Variants in SNTG1 observed in about 807,000 individuals in gnomAD.
SNTG1 encodes syntrophin gamma 1.
Under a neutral mutation model 74.7 loss-of-function variants are expected in SNTG1, and 39 were observed. That is an observed-to-expected ratio of 0.52 (90% confidence interval 0.40 to 0.68). The LOEUF is 0.68. SNTG1 is among the 30% of genes least tolerant of loss of function. SNTG1 has a pLI of 0.00. For missense variants in SNTG1, 685 were observed against 609.5 expected, an observed-to-expected ratio of 1.12 and a Z score of -1.30; for synonymous variants, 254 against 217.1, an observed-to-expected ratio of 1.17 and a Z score of -1.49.
intron 2 of SNTG1, among the ~76,000 whole-genome samples, chr8:50,388,750 C>A (rs2092612259): frequency 6.6e-6 from 1 of 152,192 alleles, no homozygotes; most frequent in African/African-American, 2.4e-5. Flanking sequence ...TGATGAGACC[C>A]ACCCACATTA....
At chr8:50,417,150 C>G (rs2093024585) in intron 4 of SNTG1, among the ~76,000 whole-genome samples, 1 of 152,080 alleles carries the variant, frequency 6.6e-6, no homozygotes. Flanking sequence ...GTTTGAACCG[C>G]CATGATATAC....
intron 17 of SNTG1, among the ~76,000 whole-genome samples, chr8:50,713,300 C>A (rs2095466948): frequency 6.6e-6 from 1 of 152,086 alleles, no homozygotes; most frequent in Non-Finnish European, 1.5e-5. Context: ...TAAATGTCTT[C>A]TTTTGAGAAG....
chr8:50,633,956 A>T (rs1278820629), intron 13 of SNTG1, among the ~76,000 whole-genome samples: 1 of 152,132 alleles, frequency 6.6e-6, no homozygotes, highest in Non-Finnish European at 1.5e-5. Context: ...TCTCTTCCAT[A>T]AGTGCCAAAG....
At chr8:50,562,821 T>A (rs992231087) in intron 12 of SNTG1, among the ~76,000 whole-genome samples, 6 of 152,138 alleles carry the variant, frequency 3.9e-5, no homozygotes, top group African/African-American at 1.4e-4. Flanking sequence ...AACATTTACG[T>A]TATTAATTAG....
chr8:50,363,858 T>C (rs899389472), intron 2 of SNTG1, among the ~76,000 whole-genome samples: 1 of 152,140 alleles, frequency 6.6e-6, no homozygotes, highest in African/African-American at 2.4e-5. Context: ...TAGCCTTCTC[T>C]CTAAAGGTTC....
At chr8:50,740,932 T>C (rs1028650566) in intron 17 of SNTG1, among the ~76,000 whole-genome samples, 1 of 151,986 alleles carries the variant, frequency 6.6e-6, no homozygotes, top group Admixed American at 6.6e-5. Flanking sequence ...AAAAAGGAGC[T>C]AAATGATGAG....
At chr8:50,147,021 A>G (rs1385820953) in intron 1 of SNTG1, among the ~76,000 whole-genome samples, 3 of 151,780 alleles carry the variant, frequency 2.0e-5, no homozygotes, top group Admixed American at 6.6e-5. Flanking sequence ...ATTTTAATTA[A>G]GTCCAATTTT....
intron 4 of SNTG1, among the ~76,000 whole-genome samples, chr8:50,415,500 T>C (rs982242980): frequency 6.6e-6 from 1 of 152,138 alleles, no homozygotes; most frequent in African/African-American, 2.4e-5. Flanking sequence ...AGATTTTTGG[T>C]TAAAATTTCT....
intron 1 of SNTG1, among the ~76,000 whole-genome samples, chr8:49,927,311 G>A (rs1476578499): frequency 6.6e-6 from 1 of 152,056 alleles, no homozygotes; most frequent in Non-Finnish European, 1.5e-5. Flanking sequence ...AATATTTATA[G>A]CAACTTTATT....
intron 9 of SNTG1, among the ~76,000 whole-genome samples, chr8:50,522,471 C>G (rs1162606546): frequency 6.6e-6 from 1 of 152,028 alleles, no homozygotes; most frequent in Non-Finnish European, 1.5e-5. Context: ...TATCCTTGCC[C>G]TAGGATTTCA....
At chr8:50,765,242 T>G (rs1351501999) in intron 18 of SNTG1, among the ~76,000 whole-genome samples, 1 of 152,058 alleles carries the variant, frequency 6.6e-6, no homozygotes, top group Non-Finnish European at 1.5e-5. Flanking sequence ...GGCCATGGCT[T>G]TTCTGTAGCA....
chr8:50,140,804 A>G (rs920265659), intron 1 of SNTG1, among the ~76,000 whole-genome samples: 22 of 152,308 alleles, frequency 1.4e-4, no homozygotes, highest in Middle Eastern at 3.4e-3. Flanking sequence ...TCTTTAAAAC[A>G]TGGTCATTTT....
At chr8:50,142,282 A>G (rs1414683802) in intron 1 of SNTG1, among the ~76,000 whole-genome samples, 1 of 152,076 alleles carries the variant, frequency 6.6e-6, no homozygotes, top group Non-Finnish European at 1.5e-5. Flanking sequence ...TTCTACAGAA[A>G]CCCAGACTAC....
intron 1 of SNTG1, among the ~76,000 whole-genome samples, chr8:50,017,563 A>T (rs1816439188): frequency 6.6e-6 from 1 of 152,042 alleles, no homozygotes; most frequent in Admixed American, 6.6e-5. Context: ...TAAGTTGAAA[A>T]TAAACAAATG....
At chr8:50,675,801 T>C (rs1321393629) in intron 15 of SNTG1, among the ~76,000 whole-genome samples, 1 of 152,048 alleles carries the variant, frequency 6.6e-6, no homozygotes, top group Non-Finnish European at 1.5e-5. Flanking sequence ...GGTACCCGTT[T>C]TTCCTTTCCA....
chr8:50,292,247 G>A (rs2089152327), intron 2 of SNTG1, among the ~76,000 whole-genome samples: 2 of 152,048 alleles, frequency 1.3e-5, no homozygotes, highest in Admixed American at 1.3e-4. Flanking sequence ...TTCCAGGTTG[G>A]TGCAACATTT....
chr8:50,087,390 A>G (rs1312758384), intron 1 of SNTG1, among the ~76,000 whole-genome samples: 1 of 152,148 alleles, frequency 6.6e-6, no homozygotes, highest in Admixed American at 6.6e-5. Context: ...TGAAACTCTT[A>G]GTCATGTGGT....
chr8:50,013,738 T>A (rs967457806), intron 1 of SNTG1, among the ~76,000 whole-genome samples: 4 of 152,140 alleles, frequency 2.6e-5, no homozygotes, highest in Non-Finnish European at 2.9e-5. Flanking sequence ...CAATTTTATA[T>A]AATTGTATAA....
chr8:50,471,187 T>C (rs2058926767), intron 8 of SNTG1, among the ~76,000 whole-genome samples: 1 of 151,482 alleles, frequency 6.6e-6, no homozygotes, highest in African/African-American at 2.4e-5. Flanking sequence ...ACAGCATAAA[T>C]GTCCAGGTGT....
Sources: gnomAD v4.1 joint callset for allele counts (sites outside exome capture counted in the v4.1 genomes callset) on GRCh38, gnomAD v4.1.1 for gene constraint, MANE v1.5 for transcripts, NCBI Gene and HGNC (gene_info 2026-07-23, HGNC 2026-07-21) for gene names.